RPS6KC1: variants seen among roughly 807,000 people sequenced by gnomAD.
The protein encoded by RPS6KC1 is ribosomal protein S6 kinase C1.
In RPS6KC1, 54 loss-of-function variants were observed where a neutral mutation model predicts 103.8. The observed-to-expected ratio is 0.52, with a 90% CI of 0.42 to 0.65. The LOEUF (loss-of-function observed/expected upper bound fraction) is 0.65. RPS6KC1 is among the 30% of genes least tolerant of loss of function. The pLI, the probability that RPS6KC1 is intolerant of heterozygous loss-of-function variation, is 0.00. For synonymous variants in RPS6KC1, 439 were observed against 438.7 expected (o/e 1.00, Z -0.01); for missense variants, 1,151 against 1,253.8 (o/e 0.92, Z 1.24).
chr1:213,662,230 A>G, the RPS6KC1 span, among the ~76,000 whole-genome samples: 4 of 152,080 alleles, frequency 2.6e-5, no homozygotes, highest in Non-Finnish European at 5.9e-5. Flanking sequence ...GCCTAGAAAA[A>G]AAAAAAATTA....
intron 6 of RPS6KC1, among the ~76,000 whole-genome samples, chr1:213,156,044 A>G (rs2089851249): frequency 1.3e-5 from 2 of 152,230 alleles, no homozygotes; most frequent in South Asian, 4.1e-4. Context: ...ATTGAGGGAA[A>G]ATTAATCAAT....
the RPS6KC1 span, among the ~76,000 whole-genome samples, chr1:213,417,132 C>CTG: frequency 6.6e-6 from 1 of 152,208 alleles, no homozygotes; most frequent in Non-Finnish European, 1.5e-5. Flanking sequence ...TCATCAACAT[C>CTG]ACCTCCACGG....
chr1:213,505,926 AGAGT>A, the RPS6KC1 span, among the ~76,000 whole-genome samples: 1 of 151,952 alleles, frequency 6.6e-6, no homozygotes, highest in Non-Finnish European at 1.5e-5. Context: ...AAAGGGAGAG[AGAGT>A]GAGAGAGAGA....
chr1:213,451,684 G>A, the RPS6KC1 span, among the ~76,000 whole-genome samples: 3 of 152,214 alleles, frequency 2.0e-5, no homozygotes, highest in East Asian at 3.8e-4. Flanking sequence ...AGTTGATCTC[G>A]AAAGTACTTT....
the RPS6KC1 span, among the ~76,000 whole-genome samples, chr1:213,319,673 C>T: frequency 6.6e-6 from 1 of 152,156 alleles, no homozygotes; most frequent in Non-Finnish European, 1.5e-5. Flanking sequence ...TAACTCTTTC[C>T]ATCTTGAAAG....
At chr1:213,543,854 A>G in the RPS6KC1 span, among the ~76,000 whole-genome samples, 1 of 151,792 alleles carries the variant, frequency 6.6e-6, no homozygotes, top group African/African-American at 2.4e-5. Flanking sequence ...TGGCTTAGGG[A>G]TGGTCGTGAC....
At chr1:213,571,266 A>C in the RPS6KC1 span, among the ~76,000 whole-genome samples, 2 of 152,190 alleles carry the variant, frequency 1.3e-5, no homozygotes, top group African/African-American at 4.8e-5. Context: ...TCTTCTCAGC[A>C]TGGAGATCAG....
chr1:213,131,536 G>A (rs900848908), intron 6 of RPS6KC1, among the ~76,000 whole-genome samples: 1 of 151,728 alleles, frequency 6.6e-6, no homozygotes, highest in African/African-American at 2.4e-5. Flanking sequence ...CTTTGCCTCC[G>A]GGGTTCAAGT....
At chr1:213,656,305 G>A in the RPS6KC1 span, among the ~76,000 whole-genome samples, 1 of 152,182 alleles carries the variant, frequency 6.6e-6, no homozygotes, top group African/African-American at 2.4e-5. Flanking sequence ...CACAAGGCTC[G>A]GGAGGGACAA....
chr1:213,820,888 G>A, the RPS6KC1 span: 1 of 152,036 alleles, frequency 6.6e-6, no homozygotes, highest in Non-Finnish European at 1.5e-5. Context: ...TACCTACATA[G>A]TGTGAATTGA....
the RPS6KC1 span, among the ~76,000 whole-genome samples, chr1:213,333,579 C>T: frequency 6.6e-6 from 1 of 152,170 alleles, no homozygotes; most frequent in Admixed American, 6.5e-5. Flanking sequence ...TTCCTAAGCT[C>T]TTTCCTATGT....
chr1:213,311,818 G>A, the RPS6KC1 span, among the ~76,000 whole-genome samples: 1 of 151,998 alleles, frequency 6.6e-6, no homozygotes, highest in South Asian at 2.1e-4. Flanking sequence ...GTGTGAGGTG[G>A]GGAGATGGGG....
the RPS6KC1 span, among the ~76,000 whole-genome samples, chr1:213,443,736 C>T: frequency 1.3e-5 from 2 of 151,636 alleles, no homozygotes; most frequent in African/African-American, 4.8e-5. Flanking sequence ...GGCAACATGG[C>T]GAAACCCCGT....
In RPS6KC1 at chr1:213,212,404, A is replaced by T. The variant is rs77067625; in HGVS notation, c.1045-18093A>T. ...CATTTAAGGTTTCTTCATGCTTTTC[A>T]TGGCTTGACAGCTCATTTATTTTTA... On this transcript the variant is annotated intron_variant, in intron 8 of 14. Coordinates refer to ENST00000366960, the MANE Select transcript of RPS6KC1 (RefSeq NM_012424.6). Among the ~76,000 whole-genome samples the T allele has an allele frequency of 9.5e-4, 144 of 152,194 alleles. 1 individual carries two copies. Among genetic ancestry groups the T allele is most frequent in the African/African-American group, 3.4e-3 (140 of 41,514 alleles).
intron 4 of RPS6KC1, among the ~76,000 whole-genome samples, chr1:213,109,098 C>A (rs2082760861): frequency 1.3e-5 from 2 of 152,092 alleles, no homozygotes; most frequent in Admixed American, 1.3e-4. Flanking sequence ...TATTATCTTG[C>A]AATCCATGAA....
the RPS6KC1 span, among the ~76,000 whole-genome samples, chr1:213,292,966 G>GA: frequency 6.6e-6 from 1 of 152,050 alleles, no homozygotes; most frequent in African/African-American, 2.4e-5. Flanking sequence ...AACCCAGAAG[G>GA]AAAAAAATGT....
chr1:213,456,034 A>G, the RPS6KC1 span, among the ~76,000 whole-genome samples: 1 of 152,068 alleles, frequency 6.6e-6, no homozygotes, highest in Non-Finnish European at 1.5e-5. Flanking sequence ...TACAACTGCT[A>G]CACCTGCTTC....
chr1:213,279,100 T>G (rs560846851), downstream of RPS6KC1, among the ~76,000 whole-genome samples: 37 of 152,246 alleles, frequency 2.4e-4, 1 homozygote, highest in South Asian at 7.5e-3. Context: ...TGTGGGGAAC[T>G]AGTGATGTTT....
chr1:213,698,434 A>G, the RPS6KC1 span, among the ~76,000 whole-genome samples: 2 of 152,166 alleles, frequency 1.3e-5, no homozygotes, highest in African/African-American at 4.8e-5. Flanking sequence ...CTTTTCCTGA[A>G]TGTTATATAA....
Sources: gnomAD v4.1 joint callset for allele counts (sites outside exome capture counted in the v4.1 genomes callset) on GRCh38, gnomAD v4.1.1 for gene constraint, MANE v1.5 for transcripts, NCBI Gene and HGNC (gene_info 2026-07-23, HGNC 2026-07-21) for gene names.